SEL1L2: variants seen among roughly 807,000 people sequenced by gnomAD.
SEL1L2 encodes SEL1L2 adaptor subunit of SYVN1 ubiquitin ligase.
Under a neutral mutation model 98.8 loss-of-function variants are expected in SEL1L2, and 89 were observed. That is an observed-to-expected ratio of 0.90 (90% CI 0.76 to 1.07). The LOEUF is 1.07. Among genes scored for constraint, SEL1L2 ranks in the 50% least tolerant of loss-of-function variants. The pLI, the probability that SEL1L2 is intolerant of heterozygous loss-of-function variation, is 0.00. For synonymous variants in SEL1L2, 262 were observed against 278.5 expected (o/e 0.94, Z 0.59); for missense variants, 788 against 812.0 (o/e 0.97, Z 0.36).
At chr20:13,905,867 T>C (rs1376285005) in intron 5 of SEL1L2, among the ~76,000 whole-genome samples, 1 of 150,476 alleles carries the variant, frequency 6.6e-6, no homozygotes, top group Non-Finnish European at 1.5e-5. Flanking sequence ...TTCTTTTTCT[T>C]TTCCTTTTTT....
intron 14 of SEL1L2, among the ~76,000 whole-genome samples, chr20:13,868,023 TG>T (rs1568852633): frequency 2.0e-5 from 3 of 152,134 alleles, no homozygotes; most frequent in Admixed American, 1.3e-4. Flanking sequence ...TCATATCTCC[TG>T]GTATTTGTCT....
chr20:13,927,298 G>T (rs1568984850), intron 3 of SEL1L2, among the ~76,000 whole-genome samples: 1 of 152,164 alleles, frequency 6.6e-6, no homozygotes, highest in Non-Finnish European at 1.5e-5. Flanking sequence ...TCTACAAAAA[G>T]AATTCAACTC....
At chr20:13,972,394 G>A (rs1445987347) in intron 1 of SEL1L2, among the ~76,000 whole-genome samples, 2 of 152,066 alleles carry the variant, frequency 1.3e-5, no homozygotes, top group African/African-American at 2.4e-5. Context: ...TGTTGCTACT[G>A]TGAAAAGGAT....
At chr20:13,899,550 C>T (rs1202508211) in intron 5 of SEL1L2, among the ~76,000 whole-genome samples, 1 of 152,200 alleles carries the variant, frequency 6.6e-6, no homozygotes, top group African/African-American at 2.4e-5. Context: ...CTGTGTCCTT[C>T]CCTGGCAGAG....
intron 1 of SEL1L2, among the ~76,000 whole-genome samples, chr20:13,957,721 T>G (rs1431208280): frequency 4.6e-5 from 7 of 151,938 alleles, no homozygotes; most frequent in Admixed American, 4.6e-4. Flanking sequence ...CTACAAAAAA[T>G]GCAAAAATTA....
intron 1 of SEL1L2, among the ~76,000 whole-genome samples, chr20:13,956,570 C>A (rs1293378307): frequency 1.3e-5 from 2 of 152,112 alleles, no homozygotes; most frequent in Admixed American, 6.5e-5. Flanking sequence ...CAGAGAGATA[C>A]TGAAAATTAA....
rs756604046 is a variant in SEL1L2 at position 13,919,001 on chromosome 20, G to A, written c.386+20C>T. 52 of 1,531,570 alleles carry A rather than the reference G, an allele frequency of 3.4e-5. No individual in the cohort carries two copies. In the South Asian group the frequency reaches 6.0e-4, roughly 18 times the overall value. The allele number at this position is 1,531,570 out of a possible 1,614,324, so 94.9% of individuals were successfully genotyped here. A position where few individuals can be genotyped will look rare whatever the true frequency, so the allele number is the denominator to read the frequency against. ...AACCTGGAAATTCAACTTGGCTAAG[G>A]TCACTGGATAAAGACTTACTCTTCT... is the stretch of plus-strand genomic sequence containing the variant. On this transcript the variant is annotated intron_variant, in intron 4 of 19. Coordinates refer to ENST00000284951, the MANE Select transcript of SEL1L2 (RefSeq NM_025229.2).
At chr20:13,976,485 G>A (rs925958938) in intron 1 of SEL1L2, among the ~76,000 whole-genome samples, 8 of 152,202 alleles carry the variant, frequency 5.3e-5, no homozygotes, top group African/African-American at 1.9e-4. Context: ...AGACATGGAG[G>A]TGGGAGAGTT....
intron 3 of SEL1L2, among the ~76,000 whole-genome samples, chr20:13,927,563 G>A (rs1350334444): frequency 6.6e-6 from 1 of 152,170 alleles, no homozygotes; most frequent in Non-Finnish European, 1.5e-5. Flanking sequence ...ATTATTATAT[G>A]TGTTTTGTGA....
intron 2 of SEL1L2, among the ~76,000 whole-genome samples, chr20:13,945,138 T>C (rs1246708462): frequency 6.6e-6 from 1 of 152,132 alleles, no homozygotes; most frequent in Non-Finnish European, 1.5e-5. Context: ...GGAAGATCTA[T>C]ATGAGGAAGT....
intron 3 of SEL1L2, among the ~76,000 whole-genome samples, chr20:13,929,937 C>T (rs2049067928): frequency 6.6e-6 from 1 of 152,174 alleles, no homozygotes; most frequent in Admixed American, 6.5e-5. Context: ...ATTACAGGCA[C>T]ATGCCACCAC....
intron 1 of SEL1L2, among the ~76,000 whole-genome samples, chr20:13,970,692 C>T (rs1555900886): frequency 6.6e-6 from 1 of 151,810 alleles, no homozygotes; most frequent in Non-Finnish European, 1.5e-5. Context: ...ATTAGCCAAG[C>T]GTGGTGGCAG....
At chr20:13,938,829 G>C (rs1045414117) in intron 2 of SEL1L2, among the ~76,000 whole-genome samples, 1 of 151,878 alleles carries the variant, frequency 6.6e-6, no homozygotes, top group Non-Finnish European at 1.5e-5. Context: ...AATATTAACT[G>C]TTATTACTAT....
intron 1 of SEL1L2, among the ~76,000 whole-genome samples, chr20:13,960,405 G>A (rs1001271478): frequency 6.6e-6 from 1 of 152,068 alleles, no homozygotes; most frequent in Non-Finnish European, 1.5e-5. Context: ...TTAGGGAAAT[G>A]GAAGGAAGCA....
chr20:13,956,169 AT>A, intron 1 of SEL1L2, 38 bp from the exon 2 acceptor site: 1 of 1,118,052 alleles, frequency 8.9e-7, no homozygotes, highest in Admixed American at 2.6e-5. Flanking sequence ...ATTTAAAAGC[AT>A]TTTCTTTTTA....
In SEL1L2 at chr20:13,963,904, CTCTG is replaced by C. The variant is rs2050901421; in HGVS notation, c.59-7777_59-7774del. ...TTTTTTTCCTTGAGATGGACTTTTG[CTCTG>C]TCACCCAGGCTGGAGTGCAAAGGCA... On this transcript the variant is annotated intron_variant, in intron 1 of 19. Transcript: ENST00000284951. Among the ~76,000 whole-genome samples, 5 of 152,208 alleles carry C rather than the reference CTCTG, an allele frequency of 3.3e-5. No individual in the cohort carries two copies. In the South Asian group the frequency reaches 1.0e-3, roughly 32 times the overall value.
chr20:13,961,981 T>A (rs2050798394), intron 1 of SEL1L2, among the ~76,000 whole-genome samples: 1 of 152,196 alleles, frequency 6.6e-6, no homozygotes, highest in African/African-American at 2.4e-5. Flanking sequence ...TCTTTTTAGT[T>A]TACAGGTGCC....
At position 13,866,866 on chromosome 20, in the gene SEL1L2, G is replaced by GT; in HGVS notation, c.1256-17dup. 4 of 1,595,948 alleles carry GT rather than the reference G, an allele frequency of 2.5e-6. 1 individual carries two copies. In the South Asian group the frequency reaches 3.4e-5, roughly 14 times the overall value. On this transcript the variant is annotated splice_polypyrimidine_tract_variant and intron_variant, in intron 14 of 19. Transcript: ENST00000284951. ...CCAGAGCCAGCTGAAAATTAAAATT[G>GT]TTTTGAGCCACCCCTTATTGACTTT...
At chr20:13,895,399 C>T (rs780798893) in intron 5 of SEL1L2, among the ~76,000 whole-genome samples, 8 of 147,646 alleles carry the variant, frequency 5.4e-5, no homozygotes, top group South Asian at 2.1e-4. Context: ...GCCAAGATCA[C>T]GCCACTGCAC....
Sources: allele counts gnomAD v4.1 joint callset (sites outside exome capture counted in the v4.1 genomes callset), GRCh38; gene constraint gnomAD v4.1.1; transcripts MANE v1.5; gene names NCBI Gene and HGNC (gene_info 2026-07-23, HGNC 2026-07-21).